The following RGL2 variants were observed in gnomAD, a reference collection of about 807,000 sequenced individuals.
RGL2 encodes the protein ral guanine nucleotide dissociation stimulator like 2.
RGL2 carries 40 observed loss-of-function variants against 84.6 expected under a neutral mutation model. The observed-to-expected ratio is 0.47, with a 90% CI of 0.37 to 0.62. The LOEUF is 0.62. Ranked by LOEUF, RGL2 falls within the 20% of genes least tolerant of loss-of-function variation. The pLI is 0.00. For synonymous variants in RGL2, 369 were observed against 417.3 expected (o/e 0.88, Z 1.41); for missense variants, 865 against 1,019.7 (o/e 0.85, Z 2.07).
intron 16 of RGL2, among the ~76,000 whole-genome samples, chr6:33,292,747 A>G (rs1767534071): frequency 6.6e-6 from 1 of 152,206 alleles, no homozygotes; most frequent in African/African-American, 2.4e-5. Context: ...CTGTGGGGAA[A>G]CTGCTGTTGA....
At chr6:33,292,937 G>A in intron 16 of RGL2, 79 bp downstream of exon 16, 1 of 1,539,702 alleles carries the variant, frequency 6.5e-7, no homozygotes, top group Non-Finnish European at 8.9e-7. Flanking sequence ...ATTCCATTTG[G>A]CTGCCCAAAC....
chr6:33,301,303 G>A (rs1768560375), upstream of RGL2: 1 of 158,714 alleles, frequency 6.3e-6, no homozygotes, highest in Admixed American at 6.3e-5. Flanking sequence ...GCCTGGTGTG[G>A]TGGCTCACGC....
Position 33,296,125 on chromosome 6 carries a change from T to C in RGL2, c.671A>G (p.Lys224Arg). The C allele has an allele frequency of 6.2e-7, 1 of 1,613,868 alleles. No homozygotes were observed. The highest frequency in any genetic ancestry group is 1.1e-5 in the South Asian group (1 of 91,066). ...GGGATCGCCGGGGAGGGCCAGGGGC[T>C]TAGGAAGGTCGGGGGCCTGGGGGTC... is the stretch of plus-strand genomic sequence containing the variant. Reference protein sequence around the residue: ...RVDPQAPDLPKPLALPGDPPA... With the variant: ...RVDPQAPDLPRPLALPGDPPA... Residue 224 changes from lysine (K) to arginine (R), a missense_variant, in exon 6 of 18, where the codon AAG (lysine) becomes AGG (arginine). By Grantham distance (26) the Lys-to-Arg change is conservative. Coordinates refer to ENST00000497454, the MANE Select transcript of RGL2 (RefSeq NM_004761.5). This position sits in a 1 kb window ranked among gnomAD's most constrained non-coding sequence, Gnocchi z 5.0.
chr6:33,295,143 C>G lies in RGL2; in HGVS notation c.1193G>C (p.Arg398Pro), dbSNP rs1404445751. The G allele has an allele frequency of 6.2e-7, 1 of 1,607,534 alleles. No homozygotes were observed. Among genetic ancestry groups the G allele is most frequent in the Non-Finnish European group, 8.5e-7 (1 of 1,176,886 alleles). ...FSEEDNYSQSRELLVQEVKLQ... is the reference protein window; with the variant it reads ...FSEEDNYSQSPELLVQEVKLQ... The stretch of plus-strand genomic sequence containing the variant: ...GGCTCTCACCTGCACGAGCAGCTCC[C>G]GACTCTGGGAATAATTATCCTCCTC... The change falls in exon 9 of 18, where the codon CGG becomes CCG. Residue 398 changes from arginine (R) to proline (P), a missense_variant. By Grantham distance (103) the Arg-to-Pro change is moderately radical. This residue lies in a region of RGL2 where 455 missense variants were observed against 507.8 expected (regional missense o/e 0.90). Transcript: ENST00000497454. This position sits in a 1 kb window ranked among gnomAD's most constrained non-coding sequence, Gnocchi z 7.2.
rs1767897672 is a variant in RGL2, at chr6:33,295,894, G to C, written c.768+134C>G. On this transcript the variant is annotated intron_variant, in intron 6 of 17. Transcript: ENST00000497454. The surrounding 1 kb of genome is among the most constrained non-coding windows in gnomAD (Gnocchi z 7.2). ...TGAAGGGTAACGACCAAAGGGAAAA[G>C]GGGAGAATCAAAATGGTAGGTGGAG... 3 of 1,439,078 alleles carry C rather than the reference G, an allele frequency of 2.1e-6. No individual in the cohort carries two copies. Among genetic ancestry groups the C allele is most frequent in the African/African-American group, 2.8e-5 (2 of 71,096 alleles). 89.1% of individuals were successfully genotyped at this position (1,439,078 alleles called of 1,614,324 possible).
At chr6:33,299,120 C>T (rs1768318295), upstream of RGL2, 1 of 152,526 alleles carries the variant, frequency 6.6e-6, no homozygotes, top group South Asian at 2.0e-4. The surrounding 1 kb of genome is among the most constrained non-coding windows in gnomAD (Gnocchi z 5.0). Flanking sequence ...GGGACCAGGA[C>T]CCAGGCGCCC....
chr6:33,296,890 A>C lies in RGL2; in HGVS notation c.241-114T>G, dbSNP rs771397540. On this transcript the variant is annotated intron_variant, in intron 3 of 17. Coordinates refer to ENST00000497454, the MANE Select transcript of RGL2 (RefSeq NM_004761.5). This position sits in a 1 kb window ranked among gnomAD's most constrained non-coding sequence, Gnocchi z 5.0. ...AGACTCATTTTTCTGATATTCAGAG[A>C]GGGCAAGAGTCTTGGCCTATGTCAC... 7 of 1,516,680 alleles carry C rather than the reference A, an allele frequency of 4.6e-6. No individual in the cohort carries two copies. Among genetic ancestry groups the C allele is most frequent in the Non-Finnish European group, 6.4e-6 (7 of 1,092,878 alleles). The allele number at this position is 1,516,680 out of a possible 1,614,324, so 94.0% of individuals were successfully genotyped here. A position where few individuals can be genotyped will look rare whatever the true frequency, so the allele number is the denominator to read the frequency against.
At chr6:33,299,534 T>G (rs1768371062), upstream of RGL2, among the ~76,000 whole-genome samples, 1 of 151,912 alleles carries the variant, frequency 6.6e-6, no homozygotes, top group Admixed American at 6.6e-5. The surrounding 1 kb of genome is among the most constrained non-coding windows in gnomAD (Gnocchi z 5.0). Context: ...TCCTCGCTGG[T>G]GGAGTACCCT....
chr6:33,293,431 C>G lies in RGL2; in HGVS notation c.1698G>C (p.Leu566=). 1 of 1,613,916 alleles carries G rather than the reference C, an allele frequency of 6.2e-7. No homozygotes were observed. The highest frequency in any genetic ancestry group is 8.5e-7 in the Non-Finnish European group (1 of 1,179,892). ...AGCTCACCTGGGCCAGCCGAGTCAG[C>G]AGAGGAGCAGGAGTTGTAGGCGCCT... is the stretch of plus-strand genomic sequence containing the variant. ...GDEAPTTPAP[L]LTRLAQHMKW... is the part of the protein sequence containing the mutation. The change falls in exon 15 of 18, where the codon CTG becomes CTC. Residue 566 remains leucine (L), a synonymous_variant. Transcript: ENST00000497454. The surrounding 1 kb of genome is among the most constrained non-coding windows in gnomAD (Gnocchi z 7.0).
Position 33,294,616 on chromosome 6 carries a change from G to A in RGL2, c.1353+72C>T. 5 of 1,549,168 alleles carry A rather than the reference G, an allele frequency of 3.2e-6. No homozygotes were observed. The highest frequency in any genetic ancestry group is 1.4e-5 in the African/African-American group (1 of 73,950). ...TTGTGCCTTACAGCCCCTTGCAAGGGGCGGGGGGGTCTGTCCGACCCTGCA... is the reference window on the plus strand; with the variant it reads ...TTGTGCCTTACAGCCCCTTGCAAGGAGCGGGGGGGTCTGTCCGACCCTGCA... On this transcript the variant is annotated intron_variant, in intron 11 of 17. Coordinates refer to ENST00000497454, the MANE Select transcript of RGL2 (RefSeq NM_004761.5). The surrounding 1 kb of genome is among the most constrained non-coding windows in gnomAD (Gnocchi z 5.0).
rs2150940640 is a variant in RGL2 at position 33,296,386 on chromosome 6, G to T, written c.470+28C>A. 1.2e-6 allele frequency: 2 copies of T among 1,607,128 alleles called. No homozygotes were observed. The highest frequency in any genetic ancestry group is 4.5e-5 in the East Asian group (2 of 44,854). On this transcript the variant is annotated intron_variant, in intron 5 of 17. Transcript: ENST00000497454. This position sits in a 1 kb window ranked among gnomAD's most constrained non-coding sequence, Gnocchi z 5.0. ...AGCTGCAGCCTGGGCAGAGGGGACT[G>T]TGAGATTAAGAACCAGGGGTCACTC...
chr6:33,293,452 C>T lies in RGL2; in HGVS notation c.1677G>A (p.Ala559=), dbSNP rs1407678597. Residue 559 remains alanine, a synonymous_variant, in exon 15 of 18, where the codon GCG becomes GCA. Transcript: ENST00000497454. This position sits in a 1 kb window ranked among gnomAD's most constrained non-coding sequence, Gnocchi z 7.0. ...TCAGCAGAGGAGCAGGAGTTGTAGG[C>T]GCCTCATCTCCCCCAGTACTGGGCC... ...CDRPSTGGDE[A]PTTPAPLLTR... 7 of 1,613,914 alleles carry T rather than the reference C, an allele frequency of 4.3e-6. No homozygotes were observed. The highest frequency in any genetic ancestry group is 1.6e-4 in the Middle Eastern group (1 of 6,084).
In RGL2 at chr6:33,294,984, C is replaced by A. The variant is rs866886735; in HGVS notation, c.1271G>T (p.Arg424Leu). The A allele has an allele frequency of 6.3e-7, 1 of 1,577,964 alleles. No homozygotes were observed. The highest frequency in any genetic ancestry group is 2.3e-5 in the East Asian group (1 of 42,886). ...ACCCCGCTAGTCACTCACCCCACCC[C>A]GGGAGCCAGACCTCGGGGCCTTCTT... ...HSKKAPRSGS[R>L]GGGVVPYLGT... The change falls in exon 10 of 18, where the codon CGG (arginine) becomes CTG (leucine). Residue 424 changes from arginine (R) to leucine (L), a missense_variant. By Grantham distance (102) the Arg-to-Leu change is moderately radical (BLOSUM62 -2). Coordinates refer to ENST00000497454, the MANE Select transcript of RGL2 (RefSeq NM_004761.5). This position sits in a 1 kb window ranked among gnomAD's most constrained non-coding sequence, Gnocchi z 5.0.
chr6:33,292,486 C>T lies in RGL2; in HGVS notation c.2066G>A (p.Arg689His), dbSNP rs781485913. 4 of 1,614,148 alleles carry T rather than the reference C, an allele frequency of 2.5e-6. No individual in the cohort carries two copies. The highest frequency in any genetic ancestry group is 2.2e-5 in the South Asian group (2 of 91,084). Residue 689 changes from arginine to histidine, a missense_variant, in exon 17 of 18, where the codon CGT becomes CAT. By Grantham distance (29) the Arg-to-His change is conservative (BLOSUM62 0). This residue lies in a region of RGL2 where 302 missense variants were observed against 327.9 expected (regional missense o/e 0.92). Coordinates refer to ENST00000497454, the MANE Select transcript of RGL2 (RefSeq NM_004761.5). ...ATACTCTGAAGCCACTGCAGAGTCA[C>T]GATTGTTTTTCTTAAGGACACGACT... ...VISRVLKKNN[R>H]DSAVASEYEL...
rs201474425 is a variant in RGL2, at chr6:33,296,494, A to G, written c.420-30T>C. The G allele has an allele frequency of 3.2e-5, 51 of 1,591,068 alleles. No homozygotes were observed. Among genetic ancestry groups the G allele is most frequent in the South Asian group, 1.8e-4 (16 of 87,678 alleles). ...GGGGGAGAAGAGGATCTATCTGTCC[A>G]TTTTTCCCAAACCCTCAGTGGCTTT... On this transcript the variant is annotated intron_variant, in intron 4 of 17. Transcript: ENST00000497454. The surrounding 1 kb of genome is among the most constrained non-coding windows in gnomAD (Gnocchi z 5.0).
At position 33,294,541 on chromosome 6, in the gene RGL2, G is replaced by C; in HGVS notation, c.1353+147C>G. The stretch of plus-strand genomic sequence containing the variant: ...TCTAGTTTCCCATTTACAGATCACT[G>C]AGGCGACTTGGCACAGAAACAGATC... On this transcript the variant is annotated intron_variant, in intron 11 of 17. Transcript: ENST00000497454. This position sits in a 1 kb window ranked among gnomAD's most constrained non-coding sequence, Gnocchi z 5.0. The C allele has an allele frequency of 2.7e-6, 2 of 750,928 alleles. No homozygotes were observed. Among genetic ancestry groups the C allele is most frequent in the Non-Finnish European group, 2.2e-6 (1 of 452,826 alleles). 46.5% of individuals were successfully genotyped at this position (750,928 alleles called of 1,614,324 possible).
At chr6:33,292,400 C>T (rs755525255) in intron 17 of RGL2, 30 bp downstream of exon 17, 11 of 1,607,634 alleles carry the variant, frequency 6.8e-6, no homozygotes, top group Non-Finnish European at 6.0e-6. Flanking sequence ...ACTCTCCTCC[C>T]GAGTCTGCCT....
rs1581709532 is a variant in RGL2, at chr6:33,293,555, G to A, written c.1605-31C>T. 1 of 1,612,700 alleles carries A rather than the reference G, an allele frequency of 6.2e-7. No individual in the cohort carries two copies. ...GTGGCAGGAGATTGGGAGGATCAGAGAAAAGTGGAAGTCCCAAGAAACCAC... is the reference window on the plus strand; with the variant it reads ...GTGGCAGGAGATTGGGAGGATCAGAAAAAAGTGGAAGTCCCAAGAAACCAC... On this transcript the variant is annotated intron_variant, in intron 14 of 17. Transcript: ENST00000497454. This position sits in a 1 kb window ranked among gnomAD's most constrained non-coding sequence, Gnocchi z 7.0.
chr6:33,300,259 T>G (rs1460798203), upstream of RGL2: 5 of 153,946 alleles, frequency 3.2e-5, no homozygotes, highest in Admixed American at 1.3e-4. Flanking sequence ...AAGAATGGAT[T>G]TGGCCCTAGA....
Sources: allele counts gnomAD v4.1 joint callset (sites outside exome capture counted in the v4.1 genomes callset), GRCh38; gene constraint gnomAD v4.1.1; regional missense constraint gnomAD v4.1.1; non-coding constraint Gnocchi (gnomAD v3.1); transcripts MANE v1.5; gene names NCBI Gene and HGNC (gene_info 2026-07-23, HGNC 2026-07-21).